HMCN2: variants seen among roughly 807,000 people sequenced by gnomAD.
The protein encoded by HMCN2 is hemicentin 2.
In HMCN2, 325 loss-of-function variants were observed where a neutral mutation model predicts 377.5. That is an observed-to-expected ratio of 0.86 (90% CI 0.79 to 0.94). The LOEUF is 0.94. Among genes scored for constraint, HMCN2 ranks in the 40% least tolerant of loss-of-function variants. The pLI is 0.00. For synonymous variants in HMCN2, 2,007 were observed against 2,046.8 expected (o/e 0.98, Z 0.53); for missense variants, 4,543 against 4,725.3 (o/e 0.96, Z 1.13).
At chr9:130,336,313 G>A (rs878866011) in intron 22 of HMCN2, among the ~76,000 whole-genome samples, 108,251 of 152,088 alleles carry the variant, frequency 0.71, 39,962 homozygotes, top group Non-Finnish European at 0.82. Flanking sequence ...GATATAGCTC[G>A]TGATGCAAGT....
At chr9:130,378,869 G>C in intron 53 of HMCN2, among the ~76,000 whole-genome samples, 1 of 152,190 alleles carries the variant, frequency 6.6e-6, no homozygotes, top group African/African-American at 2.4e-5. Context: ...CAGGTGATCA[G>C]AGCAGGTGAC....
intron 85 of HMCN2, among the ~76,000 whole-genome samples, chr9:130,415,878 G>C (rs144408862): frequency 1.1e-4 from 16 of 152,246 alleles, no homozygotes; most frequent in African/African-American, 3.6e-4. Context: ...TTCCCTTTTG[G>C]CTCCTACCAG....
chr9:130,293,393 T>C (rs1353909980), intron 4 of HMCN2, among the ~76,000 whole-genome samples: 1 of 151,228 alleles, frequency 6.6e-6, no homozygotes, highest in Non-Finnish European at 1.5e-5. Flanking sequence ...GTGGTTGTGG[T>C]ACCGATTTTA....
Position 130,391,333 on chromosome 9 carries a change from C to T in HMCN2, c.9797C>T (p.Pro3266Leu), listed in dbSNP as rs1190026093. 6 of 987,542 alleles carry T rather than the reference C, an allele frequency of 6.1e-6. No individual in the cohort carries two copies. Among genetic ancestry groups the T allele is most frequent in the Non-Finnish European group, 7.2e-6 (6 of 830,152 alleles). 61.2% of individuals were successfully genotyped at this position (987,542 alleles called of 1,614,324 possible). Reference sequence around the variant, plus strand: ...GTGGCCTGGCTGAAGGACGGCAGCCCGCTGGGCCAGGACATGGGCCCCCAC... The same window carrying T: ...GTGGCCTGGCTGAAGGACGGCAGCCTGCTGGGCCAGGACATGGGCCCCCAC... ...PDVAWLKDGSPLGQDMGPHLR... is the reference protein window; with the variant it reads ...PDVAWLKDGSLLGQDMGPHLR... Residue 3266 changes from proline (P) to leucine (L), a missense_variant, in exon 64 of 98, where the codon CCG (proline) becomes CTG (leucine). Physicochemically the swap from Pro to Leu is moderately conservative, Grantham distance 98. Around this residue, in one of 5 missense-constraint regions of HMCN2, gnomAD observed 1,073 missense variants for 1,319.5 expected, o/e 0.81. Transcript: ENST00000683500.
At chr9:130,275,846 G>A (rs1452663316) in intron 1 of HMCN2, among the ~76,000 whole-genome samples, 3 of 96,136 alleles carry the variant, frequency 3.1e-5, no homozygotes, top group Non-Finnish European at 6.0e-5. Context: ...CCCTGGGCAC[G>A]TCCCTCCTTG....
At chr9:130,409,737 T>C (rs909998581) in intron 84 of HMCN2, among the ~76,000 whole-genome samples, 1 of 152,190 alleles carries the variant, frequency 6.6e-6, no homozygotes, top group Non-Finnish European at 1.5e-5. Flanking sequence ...TCCAGAGGCA[T>C]GAAAATGTCC....
intron 15 of HMCN2, among the ~76,000 whole-genome samples, chr9:130,312,684 T>C (rs992513979): frequency 6.8e-4 from 101 of 148,910 alleles, no homozygotes; most frequent in Non-Finnish European, 1.3e-3. Flanking sequence ...CCTTCTTTCT[T>C]TTATGGAGTC....
Position 130,364,826 on chromosome 9 carries a change from G to GCGTCCTTCCAAT in HMCN2, c.6345_6346insCGTCCTTCCAAT (p.Lys2115_Asp2116insArgProSerAsn), listed in dbSNP as rs1840604063. 1.0e-6 allele frequency: 1 copy of GCGTCCTTCCAAT among 985,962 alleles called. No individual in the cohort carries two copies. The highest frequency in any genetic ancestry group is 1.2e-6 in the Non-Finnish European group (1 of 830,080). The allele number at this position is 985,962 out of a possible 1,614,324, so 61.1% of individuals were successfully genotyped here. A position where few individuals can be genotyped will look rare whatever the true frequency, so the allele number is the denominator to read the frequency against. ...CCCCTCCTGTGCTGAGCTGGTGGAA[G>GCGTCCTTCCAAT]GACGGGCGGCCCCTGGAACCACGGC... On this transcript the variant is annotated inframe_insertion, in exon 41 of 98. Coordinates refer to ENST00000683500, the MANE Select transcript of HMCN2 (RefSeq NM_001291815.2).
intron 75 of HMCN2, among the ~76,000 whole-genome samples, chr9:130,399,199 G>A (rs1842749327): frequency 6.7e-6 from 1 of 148,250 alleles, no homozygotes. Flanking sequence ...GCTGCAGTGA[G>A]CTGTGATTGT....
intron 54 of HMCN2, among the ~76,000 whole-genome samples, chr9:130,381,626 C>T (rs943725264): frequency 2.0e-5 from 3 of 152,168 alleles, no homozygotes; most frequent in Non-Finnish European, 2.9e-5. Flanking sequence ...GCCTTGGCCT[C>T]CCAAAGTGCT....
intron 82 of HMCN2, chr9:130,407,202 A>G (rs758017819): frequency 5.9e-6 from 1 of 169,090 alleles, no homozygotes; most frequent in Non-Finnish European, 1.3e-5. Context: ...ATGAGCTGAG[A>G]TTGCGTCATT....
chr9:130,281,473 C>G (rs527965227), intron 1 of HMCN2, among the ~76,000 whole-genome samples: 2 of 152,074 alleles, frequency 1.3e-5, no homozygotes, highest in Admixed American at 1.3e-4. Context: ...CGGTACACCT[C>G]TGTAATCCCA....
intron 4 of HMCN2, among the ~76,000 whole-genome samples, chr9:130,289,860 C>T (rs1835646812): frequency 6.6e-6 from 1 of 152,210 alleles, no homozygotes; most frequent in Non-Finnish European, 1.5e-5. Context: ...GCACAGGGCC[C>T]AGGACCCACA....
rs1284119600 is a variant in HMCN2, at chr9:130,308,121, T to A, written c.2200+555T>A. The stretch of plus-strand genomic sequence containing the variant: ...ATAGGCGTGTACCACCAGGCCTGGC[T>A]CATTTTTGTATTTTTAGTAGAGATG... On this transcript the variant is annotated intron_variant, in intron 14 of 97. Transcript: ENST00000683500. The surrounding 1 kb of genome is among the most constrained non-coding windows in gnomAD (Gnocchi z 4.1). Among the ~76,000 whole-genome samples, 1 of 151,982 alleles carries A rather than the reference T, an allele frequency of 6.6e-6. No individual in the cohort carries two copies. The highest frequency in any genetic ancestry group is 2.4e-5 in the African/African-American group (1 of 41,348).
chr9:130,403,967 A>G (rs1249796415), intron 80 of HMCN2, 92 bp downstream of exon 80: 4 of 1,134,754 alleles, frequency 3.5e-6, no homozygotes, highest in Non-Finnish European at 4.6e-6. Flanking sequence ...GGCAGGGCAC[A>G]CTGCTTATAG....
intron 54 of HMCN2, among the ~76,000 whole-genome samples, chr9:130,381,252 C>G (rs1841701709): frequency 2.0e-5 from 3 of 152,192 alleles, no homozygotes; most frequent in African/African-American, 7.2e-5. Flanking sequence ...CCTGGTCAAG[C>G]TACCCACAGC....
intron 30 of HMCN2, among the ~76,000 whole-genome samples, chr9:130,352,411 C>A (rs1839779741): frequency 6.6e-6 from 1 of 152,248 alleles, no homozygotes; most frequent in Non-Finnish European, 1.5e-5. Flanking sequence ...AGGTTAGGGA[C>A]ATGCATAGTA....
At position 130,428,479 on chromosome 9, in the gene HMCN2, C is replaced by A; in HGVS notation, c.14187C>A (p.Ala4729=). Residue 4729 remains alanine (A), a synonymous_variant, in exon 93 of 98, where the codon GCC becomes GCA. Coordinates refer to ENST00000683500, the MANE Select transcript of HMCN2 (RefSeq NM_001291815.2). The surrounding 1 kb of genome is among the most constrained non-coding windows in gnomAD (Gnocchi z 5.0). ...CTGGCTTCCGGGTGGCTGATGGGGC[C>A]GGCTGTGAAGGTGATGGGGGCACAG... is the stretch of plus-strand genomic sequence containing the variant. ...CGPGFRVADG[A]GCEDVDECLE... The A allele has an allele frequency of 6.5e-7, 1 of 1,541,124 alleles. No homozygotes were observed.
At chr9:130,418,487 C>T (rs186296034) in intron 85 of HMCN2, among the ~76,000 whole-genome samples, 3 of 152,200 alleles carry the variant, frequency 2.0e-5, no homozygotes, top group African/African-American at 7.2e-5. Context: ...GCAGAGATTG[C>T]AGTGAGCTGA....
Sources: gnomAD v4.1 joint callset for allele counts (sites outside exome capture counted in the v4.1 genomes callset) on GRCh38, gnomAD v4.1.1 for gene constraint, gnomAD v4.1.1 regional missense constraint, Gnocchi (gnomAD v3.1) non-coding constraint, MANE v1.5 for transcripts, NCBI Gene and HGNC (gene_info 2026-07-23, HGNC 2026-07-21) for gene names.